BMP5: variants seen among roughly 807,000 people sequenced by gnomAD.
BMP5 encodes bone morphogenetic protein 5.
A neutral mutation model predicts 46.6 loss-of-function variants in BMP5; 23 were observed. The observed-to-expected ratio is 0.49, with a 90% CI of 0.35 to 0.70. The LOEUF (loss-of-function observed/expected upper bound fraction) is 0.70, where lower values mean the gene tolerates loss of function less well. BMP5 is among the 30% of genes least tolerant of loss of function. The pLI is 0.00. For synonymous variants in BMP5, 204 were observed against 191.9 expected, an observed-to-expected ratio of 1.06 and a Z score of -0.52; for missense variants, 545 against 565.6, an observed-to-expected ratio of 0.96 and a Z score of 0.37.
chr6:55,831,791 C>T (rs1197755539), intron 1 of BMP5, among the ~76,000 whole-genome samples: 1 of 152,152 alleles, frequency 6.6e-6, no homozygotes, highest in Non-Finnish European at 1.5e-5. Context: ...GTGTTCCCAG[C>T]TCAGTGGACA....
At chr6:55,826,413 A>C (rs1776534168) in intron 1 of BMP5, among the ~76,000 whole-genome samples, 1 of 151,818 alleles carries the variant, frequency 6.6e-6, no homozygotes, top group South Asian at 2.1e-4. Flanking sequence ...AAACAAATTG[A>C]TTTTCAAAAT....
chr6:55,760,638 T>A (rs41271328), intron 4 of BMP5, 105 bp from the exon 5 acceptor site: 13,497 of 1,001,580 alleles, frequency 0.013, 165 homozygotes, highest in Middle Eastern at 0.018. Context: ...TTATTTGAAG[T>A]TGTGGAAAAA....
intron 2 of BMP5, among the ~76,000 whole-genome samples, chr6:55,811,649 CTG>C (rs1248221224): frequency 6.6e-6 from 1 of 151,864 alleles, no homozygotes; most frequent in African/African-American, 2.4e-5. Flanking sequence ...CTCTCTCTCT[CTG>C]TCTCTCTCTC....
intron 1 of BMP5, among the ~76,000 whole-genome samples, chr6:55,827,665 A>T (rs1260848435): frequency 6.6e-6 from 1 of 151,818 alleles, no homozygotes; most frequent in Admixed American, 6.6e-5. Flanking sequence ...TTTAGAAAGG[A>T]AAAATTATTA....
chr6:55,855,931 A>G (rs1017131618), intron 1 of BMP5, among the ~76,000 whole-genome samples: 1 of 152,194 alleles, frequency 6.6e-6, no homozygotes, highest in Non-Finnish European at 1.5e-5. Context: ...TGCTTTTACC[A>G]GTGAAATCTA....
chr6:55,781,256 TTTC>T (rs1270858814), intron 3 of BMP5, among the ~76,000 whole-genome samples: 2 of 152,122 alleles, frequency 1.3e-5, no homozygotes, highest in South Asian at 2.1e-4. Flanking sequence ...GTGAATTATT[TTTC>T]TTCTTCTTCT....
intron 2 of BMP5, among the ~76,000 whole-genome samples, chr6:55,809,883 C>A (rs947527162): frequency 2.0e-5 from 3 of 152,138 alleles, no homozygotes; most frequent in Admixed American, 2.0e-4. Context: ...GACATCTCCA[C>A]TTTTCCCAAA....
chr6:55,864,585 T>C (rs953465898), intron 1 of BMP5, among the ~76,000 whole-genome samples: 3 of 152,186 alleles, frequency 2.0e-5, no homozygotes, highest in African/African-American at 7.2e-5. Context: ...AACTTTTCCT[T>C]ATAAATTACT....
chr6:55,758,572 A>C (rs1774673722), intron 6 of BMP5, among the ~76,000 whole-genome samples: 1 of 151,974 alleles, frequency 6.6e-6, no homozygotes, highest in Admixed American at 6.6e-5. Flanking sequence ...ACTACATTGA[A>C]GAACTTTTAT....
intron 2 of BMP5, among the ~76,000 whole-genome samples, chr6:55,805,121 G>A (rs1465219249): frequency 3.9e-5 from 6 of 152,118 alleles, no homozygotes; most frequent in African/African-American, 1.4e-4. Context: ...TTTATCAAGA[G>A]TACTATATTA....
At chr6:55,824,200 T>G (rs1256535513) in intron 1 of BMP5, among the ~76,000 whole-genome samples, 6 of 152,130 alleles carry the variant, frequency 3.9e-5, no homozygotes, top group Non-Finnish European at 8.8e-5. Context: ...CATTCTGTCT[T>G]TCTGTATATT....
chr6:55,839,647 A>G (rs1035259864), intron 1 of BMP5, among the ~76,000 whole-genome samples: 1 of 152,214 alleles, frequency 6.6e-6, no homozygotes, highest in Non-Finnish European at 1.5e-5. Flanking sequence ...CTCTTGAATA[A>G]CATTAATTAA....
At chr6:55,797,832 G>T (rs1422364851) in intron 2 of BMP5, among the ~76,000 whole-genome samples, 1 of 151,908 alleles carries the variant, frequency 6.6e-6, no homozygotes, top group Non-Finnish European at 1.5e-5. Flanking sequence ...TAGCCAGGAT[G>T]GTCTCGATCT....
At chr6:55,837,758 C>A (rs1312588441) in intron 1 of BMP5, among the ~76,000 whole-genome samples, 1 of 152,034 alleles carries the variant, frequency 6.6e-6, no homozygotes, top group Non-Finnish European at 1.5e-5. Flanking sequence ...TTCATTCTTT[C>A]TATTTTTTTG....
chr6:55,803,649 G>A (rs1775910502), intron 2 of BMP5, among the ~76,000 whole-genome samples: 1 of 152,172 alleles, frequency 6.6e-6, no homozygotes, highest in African/African-American at 2.4e-5. Flanking sequence ...AGCTTCCATT[G>A]AGTAACAGCT....
intron 1 of BMP5, among the ~76,000 whole-genome samples, chr6:55,866,129 C>T (rs1169930452): frequency 6.6e-6 from 1 of 152,108 alleles, no homozygotes; most frequent in Non-Finnish European, 1.5e-5. Context: ...CTGAGTTGCA[C>T]CCTCTCTTCC....
chr6:55,800,828 A>G (rs1469069344), intron 2 of BMP5, among the ~76,000 whole-genome samples: 1 of 152,220 alleles, frequency 6.6e-6, no homozygotes, highest in Non-Finnish European at 1.5e-5. Context: ...CACTTAGCCA[A>G]TAGGGGGATC....
intron 1 of BMP5, among the ~76,000 whole-genome samples, chr6:55,861,369 C>G (rs761485523): frequency 7.2e-5 from 11 of 152,218 alleles, no homozygotes; most frequent in Non-Finnish European, 1.3e-4. Flanking sequence ...CTCACTAATA[C>G]TTTATTCCAA....
chr6:55,799,952 C>A (rs1775803906), intron 2 of BMP5, among the ~76,000 whole-genome samples: 1 of 152,042 alleles, frequency 6.6e-6, no homozygotes, highest in Non-Finnish European at 1.5e-5. Flanking sequence ...ATATAAGTAC[C>A]CTTCCCTTAT....
Sources: gnomAD v4.1 joint callset for allele counts (sites outside exome capture counted in the v4.1 genomes callset) on GRCh38, gnomAD v4.1.1 for gene constraint, MANE v1.5 for transcripts, NCBI Gene and HGNC (gene_info 2026-07-23, HGNC 2026-07-21) for gene names.